The following IL1RN variants were observed in gnomAD, a reference collection of about 807,000 sequenced individuals.
IL1RN encodes the protein interleukin 1 receptor antagonist, also known as interleukin-1 receptor antagonist protein.
Under a neutral mutation model 13.7 loss-of-function variants are expected in IL1RN, and 10 were observed. The observed-to-expected ratio is 0.73, with a 90% CI of 0.45 to 1.24. IL1RN has a LOEUF of 1.24. Ranked by LOEUF, IL1RN falls within the 50% of genes most tolerant of loss-of-function variation. IL1RN has a pLI of 0.00. For synonymous variants in IL1RN, 102 were observed against 82.7 expected (o/e 1.23, Z -1.27); for missense variants, 213 against 222.1 (o/e 0.96, Z 0.26).
Position 113,132,710 on chromosome 2 carries a change from T to G in IL1RN, c.373T>G (p.Phe125Val). 1 of 1,614,226 alleles carries G rather than the reference T, an allele frequency of 6.2e-7. No homozygotes were observed. The highest frequency in any genetic ancestry group is 8.5e-7 in the Non-Finnish European group (1 of 1,180,034). Reference sequence around the variant, plus strand: ...CAGAAAGCAGGACAAGCGCTTCGCCTTCATCCGCTCAGACAGTGGCCCCAC... The same window carrying G: ...CAGAAAGCAGGACAAGCGCTTCGCCGTCATCCGCTCAGACAGTGGCCCCAC... ...ENRKQDKRFA[F>V]IRSDSGPTTS... The change falls in exon 4 of 4, where the codon TTC becomes GTC. Residue 125 changes from phenylalanine (F) to valine (V), a missense_variant. Phe to Val is a conservative substitution (Grantham distance 50, BLOSUM62 -1). Coordinates refer to ENST00000409930, the MANE Select transcript of IL1RN (RefSeq NM_173842.3).
upstream of IL1RN, among the ~76,000 whole-genome samples, chr2:113,122,711 C>T (rs183411133): frequency 1.1e-4 from 16 of 152,270 alleles, no homozygotes; most frequent in Admixed American, 7.8e-4. Flanking sequence ...TCCAGCTCAT[C>T]GGGCTGGCTT....
chr2:113,102,538 G>A (rs1385321157), upstream of IL1RN, among the ~76,000 whole-genome samples: 4 of 152,194 alleles, frequency 2.6e-5, no homozygotes, highest in East Asian at 1.9e-4. Flanking sequence ...TGTCACGTGC[G>A]TCTGTGTGAA....
At chr2:113,115,582 C>CT (rs1172843526), upstream of IL1RN, 4 of 152,130 alleles carry the variant, frequency 2.6e-5, no homozygotes, top group Admixed American at 1.3e-4. Flanking sequence ...TCAGAAGCCC[C>CT]TTCACCATGA....
upstream of IL1RN, chr2:113,113,116 T>A (rs899480597): frequency 4.6e-5 from 7 of 152,158 alleles, no homozygotes; most frequent in African/African-American, 1.7e-4. Flanking sequence ...GAGGATGGGG[T>A]AAGCTGATTG....
upstream of IL1RN, among the ~76,000 whole-genome samples, chr2:113,109,215 C>A (rs1459619148): frequency 8.6e-5 from 13 of 152,036 alleles, no homozygotes; most frequent in Non-Finnish European, 1.5e-4. Flanking sequence ...GAGTTCGAGA[C>A]CAGCCTGACC....
upstream of IL1RN, among the ~76,000 whole-genome samples, chr2:113,109,178 C>G (rs1392508787): frequency 6.6e-6 from 1 of 151,788 alleles, no homozygotes. Flanking sequence ...TTTGAGAGGC[C>G]AAGATGGGTG....
At chr2:113,104,736 A>T (rs1449425133), upstream of IL1RN, among the ~76,000 whole-genome samples, 11 of 152,208 alleles carry the variant, frequency 7.2e-5, no homozygotes, top group Admixed American at 7.2e-4. Context: ...TGTGTGCCAA[A>T]GAGCTTTATG....
At chr2:113,113,251 G>A (rs1030594170), upstream of IL1RN, 1 of 152,182 alleles carries the variant, frequency 6.6e-6, no homozygotes, top group African/African-American at 2.4e-5. Context: ...TAAAAAGAAG[G>A]AAATCCTAAC....
upstream of IL1RN, among the ~76,000 whole-genome samples, chr2:113,103,465 C>T (rs984379661): frequency 4.4e-4 from 67 of 152,238 alleles, no homozygotes; most frequent in African/African-American, 1.6e-3. Context: ...TGCTGATAAA[C>T]GGAGAGGTTG....
chr2:113,121,740 A>G, intron 2 of IL1RN: 1 of 390,230 alleles, frequency 2.6e-6, no homozygotes, highest in Non-Finnish European at 3.5e-6. Context: ...TGATAGCAGC[A>G]AGCCTGGGGG....
intron 1 of IL1RN, among the ~76,000 whole-genome samples, 174 bp downstream of exon 1, chr2:113,127,914 T>C (rs1368935198): frequency 6.6e-6 from 1 of 152,212 alleles, no homozygotes; most frequent in Non-Finnish European, 1.5e-5. Context: ...AGGACTTGTG[T>C]TTCAAAATAT....
Position 113,130,248 on chromosome 2 carries a change from G to A in IL1RN, c.205+584G>A, listed in dbSNP as rs146719449. ...TTCACTCCCCTGTTTGTTGTTGTAG[G>A]ATGGTATTACCTCCACCTTCCCACC... On this transcript the variant is annotated intron_variant, in intron 2 of 3. Transcript: ENST00000409930. 10 of 165,152 alleles carry A rather than the reference G, an allele frequency of 6.1e-5. No homozygotes were observed. The East Asian group carries it at 1.5e-3, about 25-fold the overall frequency. 10.2% of individuals were successfully genotyped at this position (165,152 alleles called of 1,614,324 possible).
At chr2:113,103,738 G>A (rs571504343), upstream of IL1RN, among the ~76,000 whole-genome samples, 4 of 152,254 alleles carry the variant, frequency 2.6e-5, no homozygotes, top group African/African-American at 7.2e-5. Flanking sequence ...CAGAAATACA[G>A]CAATCAGAAG....
At chr2:113,119,455 G>A (rs534110071) in intron 1 of IL1RN, among the ~76,000 whole-genome samples, 2 of 152,220 alleles carry the variant, frequency 1.3e-5, no homozygotes, top group African/African-American at 4.8e-5. Flanking sequence ...GGGGCACAGA[G>A]ACTTAATGAA....
upstream of IL1RN, among the ~76,000 whole-genome samples, chr2:113,110,865 AT>A (rs1686483576): frequency 1.3e-5 from 2 of 152,328 alleles, no homozygotes; most frequent in Admixed American, 1.3e-4. Context: ...CCATTGTGTC[AT>A]CAGAGCCATA....
chr2:113,117,451 T>C (rs554394233), upstream of IL1RN: 2 of 156,592 alleles, frequency 1.3e-5, no homozygotes, highest in South Asian at 3.8e-4. Context: ...CAAAAGCATA[T>C]CCTGCTTTGG....
At chr2:113,114,976 AGTTCAG>A (rs1002206076), upstream of IL1RN, among the ~76,000 whole-genome samples, 4 of 152,150 alleles carry the variant, frequency 2.6e-5, no homozygotes, top group African/African-American at 9.7e-5. Context: ...AACCAAAAGG[AGTTCAG>A]GGAACAAGAG....
chr2:113,132,397 G>A (rs1198276276), intron 3 of IL1RN, among the ~76,000 whole-genome samples: 3 of 152,186 alleles, frequency 2.0e-5, no homozygotes, highest in Non-Finnish European at 4.4e-5. Context: ...GCAGTGAGCC[G>A]AGATTGTGCC....
upstream of IL1RN, among the ~76,000 whole-genome samples, chr2:113,106,829 A>C (rs1451697160): frequency 1.3e-5 from 2 of 152,246 alleles, no homozygotes; most frequent in Admixed American, 6.5e-5. Flanking sequence ...AAAGATTTAA[A>C]GAAAATAAAT....
Sources: gnomAD v4.1 joint callset for allele counts (sites outside exome capture counted in the v4.1 genomes callset) on GRCh38, gnomAD v4.1.1 for gene constraint, MANE v1.5 for transcripts, NCBI Gene and HGNC (gene_info 2026-07-23, HGNC 2026-07-21) for gene names.